The following TDRP variants were observed in gnomAD, a reference collection of about 807,000 sequenced individuals.
TDRP encodes the protein testis development related protein.
A neutral mutation model predicts 10.5 loss-of-function variants in TDRP; 12 were observed. That is an observed-to-expected ratio of 1.15 (90% confidence interval 0.73 to 1.86). The LOEUF (loss-of-function observed/expected upper bound fraction) is 1.86, where lower values mean the gene tolerates loss of function less well. Among genes scored for constraint, TDRP ranks in the 40% most tolerant of loss-of-function variants. The pLI is 0.00. For missense variants in TDRP, 353 were observed against 229.2 expected, an observed-to-expected ratio of 1.54 and a Z score of -3.49; for synonymous variants, 139 against 95.4, an observed-to-expected ratio of 1.46 and a Z score of -2.67.
At chr8:511,931 A>G (rs1184423414) in intron 1 of TDRP, among the ~76,000 whole-genome samples, 1 of 152,210 alleles carries the variant, frequency 6.6e-6, no homozygotes, top group Non-Finnish European at 1.5e-5. Context: ...TTAGGAGGAA[A>G]TTTATAGCTG....
At chr8:535,105 C>A (rs1802311992) in intron 1 of TDRP, among the ~76,000 whole-genome samples, 1 of 152,188 alleles carries the variant, frequency 6.6e-6, no homozygotes, top group South Asian at 2.1e-4. Context: ...TATTGTACTT[C>A]CATCTGAAAG....
At chr8:517,648 A>G (rs1801793734) in intron 1 of TDRP, among the ~76,000 whole-genome samples, 2 of 152,112 alleles carry the variant, frequency 1.3e-5, no homozygotes, top group South Asian at 2.1e-4. Context: ...TATACCTTAC[A>G]TGTATTGATT....
intron 1 of TDRP, among the ~76,000 whole-genome samples, chr8:512,925 T>C (rs369312900): frequency 1.3e-5 from 2 of 151,370 alleles, no homozygotes; most frequent in Non-Finnish European, 1.5e-5. Flanking sequence ...TGAGCCAAGA[T>C]TGTGACACTG....
intron 1 of TDRP, among the ~76,000 whole-genome samples, chr8:529,632 T>TAC (rs1161585423): frequency 6.6e-6 from 1 of 152,212 alleles, no homozygotes; most frequent in Admixed American, 6.5e-5. Flanking sequence ...TTTTGCCAGC[T>TAC]ACAGTATTCT....
intron 1 of TDRP, among the ~76,000 whole-genome samples, chr8:538,156 G>C (rs1300591334): frequency 6.6e-6 from 1 of 152,236 alleles, no homozygotes; most frequent in Non-Finnish European, 1.5e-5. Flanking sequence ...AGACAGCTGT[G>C]ATTTGCAGCC....
chr8:513,869 G>A (rs749365423), intron 1 of TDRP, among the ~76,000 whole-genome samples: 1 of 152,134 alleles, frequency 6.6e-6, no homozygotes, highest in South Asian at 2.1e-4. Context: ...CAATCCAAAA[G>A]TGAAATTAAG....
chr8:533,949 C>T (rs527999463), intron 1 of TDRP, among the ~76,000 whole-genome samples: 4 of 152,164 alleles, frequency 2.6e-5, no homozygotes, highest in African/African-American at 2.4e-5. Flanking sequence ...ATTAAAAGTA[C>T]ACTGTCATGT....
chr8:523,587 C>A (rs957684421), intron 1 of TDRP, among the ~76,000 whole-genome samples: 1 of 152,172 alleles, frequency 6.6e-6, no homozygotes, highest in African/African-American at 2.4e-5. Context: ...AGGATATGTC[C>A]TAGGCCTTGC....
At chr8:523,196 C>T (rs10216463) in intron 1 of TDRP, among the ~76,000 whole-genome samples, 106,473 of 152,022 alleles carry the variant, frequency 0.7, 37,770 homozygotes, top group African/African-American at 0.77. Flanking sequence ...CTGGTTATCA[C>T]AGGGATTACA....
chr8:522,007 T>G (rs1263843801), intron 1 of TDRP, among the ~76,000 whole-genome samples: 1 of 152,238 alleles, frequency 6.6e-6, no homozygotes, highest in South Asian at 2.1e-4. Context: ...AATTTCCATT[T>G]GGGATTTTTC....
intron 1 of TDRP, among the ~76,000 whole-genome samples, chr8:505,734 T>G (rs536271856): frequency 1.3e-5 from 2 of 152,324 alleles, no homozygotes; most frequent in Non-Finnish European, 1.5e-5. Flanking sequence ...CAGCCCAGGC[T>G]TGTGTATACC....
intron 1 of TDRP, among the ~76,000 whole-genome samples, chr8:497,053 GAA>G (rs1801156093): frequency 6.6e-6 from 1 of 152,178 alleles, no homozygotes; most frequent in South Asian, 2.1e-4. Context: ...ATAGCAGTGT[GAA>G]AACAGACTAA....
At chr8:506,994 C>T (rs1317638519) in intron 1 of TDRP, among the ~76,000 whole-genome samples, 1 of 152,138 alleles carries the variant, frequency 6.6e-6, no homozygotes, top group Non-Finnish European at 1.5e-5. Context: ...GTTTAATTGA[C>T]TCACAGTTCT....
intron 1 of TDRP, among the ~76,000 whole-genome samples, chr8:522,063 T>C (rs1420003562): frequency 6.6e-6 from 1 of 152,212 alleles, no homozygotes; most frequent in Non-Finnish European, 1.5e-5. Context: ...TGATATTGTA[T>C]CCTGCAACCT....
intron 1 of TDRP, among the ~76,000 whole-genome samples, chr8:530,906 G>A (rs1031316160): frequency 3.9e-5 from 6 of 152,080 alleles, no homozygotes; most frequent in Non-Finnish European, 5.9e-5. Context: ...GAGCTGTCCC[G>A]ACCTCCATCC....
intron 1 of TDRP, among the ~76,000 whole-genome samples, chr8:541,090 T>C (rs556908556): frequency 3.3e-5 from 5 of 152,358 alleles, no homozygotes; most frequent in Admixed American, 6.5e-5. Context: ...GGCAGAAGTT[T>C]TATGACTCTT....
At chr8:539,613 C>T (rs35872351) in intron 1 of TDRP, among the ~76,000 whole-genome samples, 20,782 of 152,214 alleles carry the variant, frequency 0.14, 1,470 homozygotes, top group East Asian at 0.24. Context: ...AAGAAAACAG[C>T]TTTATTTCTA....
Position 492,043 on chromosome 8 carries a change from T to C in TDRP, c.*356A>G. On this transcript the variant is annotated 3_prime_UTR_variant, in exon 3 of 3. Coordinates refer to ENST00000324079, the MANE Select transcript of TDRP (RefSeq NM_001384899.1). Reference sequence around the variant, plus strand: ...TACATACAAGAAAAAGGTACGGAAGTTCTGAAACAGAACTACAACACAGAG... The same window carrying C: ...TACATACAAGAAAAAGGTACGGAAGCTCTGAAACAGAACTACAACACAGAG... 1 of 1,125,790 alleles carries C rather than the reference T, an allele frequency of 8.9e-7. No homozygotes were observed. 69.7% of individuals were successfully genotyped at this position (1,125,790 alleles called of 1,614,324 possible).
At chr8:522,188 A>G (rs1292350077) in intron 1 of TDRP, among the ~76,000 whole-genome samples, 1 of 152,118 alleles carries the variant, frequency 6.6e-6, no homozygotes, top group African/African-American at 2.4e-5. Context: ...TCTCCCTTCA[A>G]TCCTCTAAAC....
Sources: gnomAD v4.1 joint callset for allele counts (sites outside exome capture counted in the v4.1 genomes callset) on GRCh38, gnomAD v4.1.1 for gene constraint, MANE v1.5 for transcripts, NCBI Gene and HGNC (gene_info 2026-07-23, HGNC 2026-07-21) for gene names.